KRABD3: variants seen among roughly 807,000 people sequenced by gnomAD.
KRABD3 encodes the protein KRAB domain-containing protein 3.
the KRABD3 span, chr7:149,733,686 C>T: frequency 2.5e-6 from 4 of 1,583,960 alleles, no homozygotes; most frequent in South Asian, 4.6e-5. Flanking sequence ...GCTCGCCGGG[C>T]ACGTCCGCTG....
the KRABD3 span, chr7:149,719,602 C>T: frequency 3.1e-6 from 5 of 1,605,920 alleles, no homozygotes; most frequent in South Asian, 4.4e-5. The surrounding 1 kb of genome is among the most constrained non-coding windows in gnomAD (Gnocchi z 5.6). Flanking sequence ...AGTGGCGGCT[C>T]CTGGAGGAGG....
the KRABD3 span, chr7:149,731,742 C>T: frequency 6.2e-7 from 1 of 1,612,196 alleles, no homozygotes; most frequent in South Asian, 1.1e-5. Context: ...CATCCAGAGG[C>T]CTGGAGCTTG....
the KRABD3 span, chr7:149,721,910 G>C: frequency 2.4e-6 from 1 of 413,216 alleles, no homozygotes; most frequent in African/African-American, 2.0e-5. Flanking sequence ...GCAGAGCAGG[G>C]CAAGGGGAGC....
the KRABD3 span, chr7:149,724,911 G>T: frequency 3.5e-5 from 48 of 1,376,312 alleles, no homozygotes; most frequent in Non-Finnish European, 9.7e-6. Flanking sequence ...CCCTGGCAAG[G>T]TTCCACTAAC....
At chr7:149,716,772 C>A in the KRABD3 span, among the ~76,000 whole-genome samples, 1 of 152,220 alleles carries the variant, frequency 6.6e-6, no homozygotes, top group African/African-American at 2.4e-5. Context: ...CAGGCTCAGA[C>A]CTGCAAGCGG....
chr7:149,723,477 A>G, the KRABD3 span: 1 of 498,270 alleles, frequency 2.0e-6, no homozygotes, highest in Non-Finnish European at 3.6e-6. Context: ...AGTGACCCTG[A>G]CAGCCCACTT....
the KRABD3 span, chr7:149,723,585 C>T: frequency 1.4e-6 from 1 of 734,352 alleles, no homozygotes. Flanking sequence ...GGTGTGTGGA[C>T]CCAGGCACTG....
chr7:149,729,313 C>A, the KRABD3 span: 1 of 1,599,076 alleles, frequency 6.3e-7, no homozygotes. Flanking sequence ...CTGCCACCAG[C>A]GGGGGTTCAA....
chr7:149,719,628 A>G, the KRABD3 span: 2 of 1,608,626 alleles, frequency 1.2e-6, no homozygotes, highest in South Asian at 2.2e-5. This position sits in a 1 kb window ranked among gnomAD's most constrained non-coding sequence, Gnocchi z 5.6. Context: ...AGGGAGTTCT[A>G]CCGAGACGTG....
chr7:149,724,321 T>G, the KRABD3 span, among the ~76,000 whole-genome samples: 1 of 152,234 alleles, frequency 6.6e-6, no homozygotes, highest in African/African-American at 2.4e-5. Context: ...GCATGTCACC[T>G]CAGCTTGTTA....
At chr7:149,728,142 T>C in the KRABD3 span, among the ~76,000 whole-genome samples, 8 of 152,272 alleles carry the variant, frequency 5.3e-5, no homozygotes, top group African/African-American at 1.9e-4. Context: ...GGGCCTGTGT[T>C]GTTGCCCTGC....
At chr7:149,721,170 A>T in the KRABD3 span, among the ~76,000 whole-genome samples, 2 of 152,212 alleles carry the variant, frequency 1.3e-5, no homozygotes, top group African/African-American at 4.8e-5. Flanking sequence ...AGCTGGCGAG[A>T]GGGCAGCTCT....
At chr7:149,724,718 A>G in the KRABD3 span, 1 of 1,551,256 alleles carries the variant, frequency 6.4e-7, no homozygotes, top group Admixed American at 2.0e-5. Context: ...CTCTCTGTGA[A>G]GATGGAGAAC....
chr7:149,723,035 C>A, the KRABD3 span: 2 of 1,209,316 alleles, frequency 1.7e-6, no homozygotes, highest in Non-Finnish European at 2.3e-6. Context: ...TCCAAACTGT[C>A]TCCCTTAGGG....
chr7:149,733,960 G>C, the KRABD3 span: 1 of 1,604,256 alleles, frequency 6.2e-7, no homozygotes, highest in South Asian at 1.1e-5. Flanking sequence ...CCAAGGAGCC[G>C]AGCAGCCTGC....
chr7:149,730,136 C>A, the KRABD3 span: 1 of 1,493,354 alleles, frequency 6.7e-7, no homozygotes, highest in Non-Finnish European at 8.9e-7. Context: ...ACTCTCTGGT[C>A]CCCTGCCCAG....
At chr7:149,719,520 A>G in the KRABD3 span, 1 of 1,536,790 alleles carries the variant, frequency 6.5e-7, no homozygotes, top group Non-Finnish European at 8.7e-7. This position sits in a 1 kb window ranked among gnomAD's most constrained non-coding sequence, Gnocchi z 5.6. Context: ...TGGAACAACC[A>G]ACCCCCCCGG....
At chr7:149,726,077 C>T in the KRABD3 span, 17 of 1,599,006 alleles carry the variant, frequency 1.1e-5, no homozygotes, top group South Asian at 2.3e-5. Context: ...TGGGCCAGCC[C>T]GAGGCTGGGG....
the KRABD3 span, among the ~76,000 whole-genome samples, chr7:149,719,183 C>G: frequency 6.6e-6 from 1 of 152,202 alleles, no homozygotes; most frequent in East Asian, 1.9e-4. This position sits in a 1 kb window ranked among gnomAD's most constrained non-coding sequence, Gnocchi z 5.6. Flanking sequence ...CTCTGCCTGT[C>G]TTCACACAGC....
Sources: allele counts gnomAD v4.1 joint callset (sites outside exome capture counted in the v4.1 genomes callset), GRCh38; gene constraint gnomAD v4.1.1; non-coding constraint Gnocchi (gnomAD v3.1); transcripts MANE v1.5; gene names NCBI Gene and HGNC (gene_info 2026-07-23, HGNC 2026-07-21).